GPR137B: variants seen among roughly 807,000 people sequenced by gnomAD.
The protein encoded by GPR137B is G protein-coupled receptor 137B, also known as integral membrane protein GPR137B.
A neutral mutation model predicts 42.5 loss-of-function variants in GPR137B; 42 were observed. The ratio of observed to expected loss-of-function variants is 0.99; its 90% CI spans 0.77 to 1.28. GPR137B has a LOEUF of 1.28. Among genes scored for constraint, GPR137B ranks in the 50% most tolerant of loss-of-function variants. The probability of loss-of-function intolerance (pLI) is 0.00; values close to 1 mark genes in which losing one functional copy is unlikely to be tolerated. For synonymous variants in GPR137B, 218 were observed against 209.7 expected (o/e 1.04, Z -0.34); for missense variants, 487 against 493.9 (o/e 0.99, Z 0.13).
intron 2 of GPR137B, among the ~76,000 whole-genome samples, chr1:236,175,503 C>G (rs544937831): frequency 6.6e-6 from 1 of 152,176 alleles, no homozygotes; most frequent in Admixed American, 6.5e-5. Context: ...TGTGTACACG[C>G]GGGTTCTGGA....
chr1:236,194,750 G>T (rs773203795), intron 5 of GPR137B, among the ~76,000 whole-genome samples: 3 of 152,154 alleles, frequency 2.0e-5, no homozygotes, highest in Non-Finnish European at 4.4e-5. Context: ...AACTGGCAAT[G>T]ACCTCTAGGG....
chr1:236,207,885 T>C (rs1663707715), intron 6 of GPR137B, among the ~76,000 whole-genome samples, 165 bp from the exon 7 acceptor site: 1 of 152,132 alleles, frequency 6.6e-6, no homozygotes. Context: ...TTCAGCCCTG[T>C]GTGTAGCATG....
chr1:236,176,373 G>A (rs765217709), intron 2 of GPR137B, among the ~76,000 whole-genome samples: 1 of 152,124 alleles, frequency 6.6e-6, no homozygotes, highest in Non-Finnish European at 1.5e-5. Flanking sequence ...CCATGCTGGG[G>A]TGGCGGGTCC....
rs1661550910 is a variant in GPR137B at position 236,142,591 on chromosome 1, C to T, written c.-32C>T. The T allele has an allele frequency of 2.4e-6, 3 of 1,265,394 alleles. No homozygotes were observed. Among genetic ancestry groups the T allele is most frequent in the African/African-American group, 3.2e-5 (2 of 63,474 alleles). The allele number at this position is 1,265,394 out of a possible 1,614,324, so 78.4% of individuals were successfully genotyped here. A position where few individuals can be genotyped will look rare whatever the true frequency, so the allele number is the denominator to read the frequency against. ...CAGGCTGAGCGCGATGCGCGGAGAC[C>T]CCCGCGGGGGCGGCGGCGGCCGTGA... On this transcript the variant is annotated 5_prime_UTR_variant, in exon 1 of 7. Transcript: ENST00000366592.
rs755602796 is a variant in GPR137B at position 236,208,091 on chromosome 1, G to A, written c.1133G>A (p.Ser378Asn). ...TATGATTGGGGACAACAAACTAACA[G>A]CTTCCTGGCACAAGCAGGAACTTTG... Reference protein sequence around the residue: ...DYYDWGQQTNSFLAQAGTLQD... With the variant: ...DYYDWGQQTNNFLAQAGTLQD... The change falls in exon 7 of 7, where the codon AGC (serine) becomes AAC (asparagine). Residue 378 changes from serine (S) to asparagine (N), a missense_variant. Physicochemically the swap from Ser to Asn is conservative, Grantham distance 46. Coordinates refer to ENST00000366592, the MANE Select transcript of GPR137B (RefSeq NM_003272.4). 3 of 1,612,686 alleles carry A rather than the reference G, an allele frequency of 1.9e-6. No individual in the cohort carries two copies. Among genetic ancestry groups the A allele is most frequent in the South Asian group, 1.1e-5 (1 of 91,052 alleles).
chr1:236,207,871 G>A (rs887947315), intron 6 of GPR137B, among the ~76,000 whole-genome samples, 179 bp from the exon 7 acceptor site: 2 of 152,018 alleles, frequency 1.3e-5, no homozygotes, highest in Non-Finnish European at 2.9e-5. Flanking sequence ...TTGTCGGTGG[G>A]CATTTCAGCC....
At position 236,183,841 on chromosome 1, in the gene GPR137B, T is replaced by G; in HGVS notation, c.901T>G (p.Trp301Gly). ...ATTATTTGGAGTGGTGTTATTTGTTTGGGAACTCTTACCTACCACCTTAGT... is the reference window on the plus strand; with the variant it reads ...ATTATTTGGAGTGGTGTTATTTGTTGGGGAACTCTTACCTACCACCTTAGT... ...YVLFGVVLFV[W>G]ELLPTTLVVY... The change falls in exon 5 of 7, where the codon TGG becomes GGG. Residue 301 changes from tryptophan (W) to glycine (G), a missense_variant. Physicochemically the swap from Trp to Gly is radical, Grantham distance 184. Transcript: ENST00000366592. The G allele has an allele frequency of 1.2e-6, 2 of 1,605,216 alleles. No homozygotes were observed. Among genetic ancestry groups the G allele is most frequent in the Non-Finnish European group, 1.7e-6 (2 of 1,172,030 alleles).
Position 236,164,418 on chromosome 1 carries a change from C to T in GPR137B, c.415-4288C>T, listed in dbSNP as rs764914422. ...CCAGAGAGTATGACAGCAGAATTCA[C>T]GTCTGCCTCCCCACAGGAGCCGTCG... On this transcript the variant is annotated intron_variant, in intron 1 of 6. Coordinates refer to ENST00000366592, the MANE Select transcript of GPR137B (RefSeq NM_003272.4). Among the ~76,000 whole-genome samples, 9 of 152,204 alleles carry T rather than the reference C, an allele frequency of 5.9e-5. 1 individual carries two copies. The East Asian group carries it at 1.3e-3, about 23-fold the overall frequency.
chr1:236,164,936 C>T (rs1246269092), intron 1 of GPR137B, among the ~76,000 whole-genome samples: 1 of 151,762 alleles, frequency 6.6e-6, no homozygotes, highest in African/African-American at 2.4e-5. Context: ...TGGAGTTTTG[C>T]TCTTGTTGCC....
rs1663736024 is a variant in GPR137B at position 236,208,545 on chromosome 1, TC to T, written c.*388del. The T allele has an allele frequency of 3.2e-6, 3 of 944,860 alleles. No homozygotes were observed. Among genetic ancestry groups the T allele is most frequent in the African/African-American group, 3.5e-5 (2 of 56,346 alleles). 58.5% of individuals were successfully genotyped at this position (944,860 alleles called of 1,614,324 possible). ...CACTTTAAAAATATAGAATATATGG[TC>T]TAATAGTTTTTTAAAGCTTTTGGAC... On this transcript the variant is annotated 3_prime_UTR_variant, in exon 7 of 7. Transcript: ENST00000366592.
chr1:236,152,441 G>A (rs891350353), intron 1 of GPR137B, among the ~76,000 whole-genome samples: 11 of 152,046 alleles, frequency 7.2e-5, no homozygotes, highest in African/African-American at 1.4e-4. Flanking sequence ...TAGCCTGGGT[G>A]ATAGAGCGAG....
rs1288108533 is a variant in GPR137B, at chr1:236,150,914, A to G, written c.414+7878A>G. The stretch of plus-strand genomic sequence containing the variant: ...GCCCCAGGCTAGCTGCTCAGCGTTG[A>G]GTGGCGGGGAGTGGAGGGCAGGGGT... On this transcript the variant is annotated intron_variant, in intron 1 of 6. Coordinates refer to ENST00000366592, the MANE Select transcript of GPR137B (RefSeq NM_003272.4). This position sits in a 1 kb window ranked among gnomAD's most constrained non-coding sequence, Gnocchi z 6.2. 6.6e-6 allele frequency among the ~76,000 whole-genome samples: 1 copy of G among 152,078 alleles called. No individual in the cohort carries two copies. Among genetic ancestry groups the G allele is most frequent in the Non-Finnish European group, 1.5e-5 (1 of 68,008 alleles).
In GPR137B at chr1:236,142,925, A is replaced by T; in HGVS notation, c.303A>T (p.Lys101Asn). The T allele has an allele frequency of 1.2e-6, 2 of 1,614,150 alleles. No individual in the cohort carries two copies. Among genetic ancestry groups the T allele is most frequent in the Admixed American group, 1.7e-5 (1 of 60,032 alleles). The change falls in exon 1 of 7, where the codon AAA becomes AAT. Residue 101 changes from lysine (K) to asparagine (N), a missense_variant. Transcript: ENST00000366592. Reference protein sequence around the residue: ...LRTVLFSFYFKDFVAANSLSP... With the variant: ...LRTVLFSFYFNDFVAANSLSP... The stretch of plus-strand genomic sequence containing the variant: ...CCGTCCTCTTCTCCTTCTACTTCAA[A>T]GACTTCGTGGCGGCCAATTCGCTCA...
chr1:236,207,313 ACTT>A (rs1663693173), intron 6 of GPR137B: 10 of 979,018 alleles, frequency 1.0e-5, no homozygotes, highest in African/African-American at 1.7e-5. Flanking sequence ...AACAAGAAGG[ACTT>A]CTTGAAGTCA....
intron 1 of GPR137B, among the ~76,000 whole-genome samples, chr1:236,162,580 C>T (rs1037414456): frequency 6.6e-6 from 1 of 152,236 alleles, no homozygotes; most frequent in Non-Finnish European, 1.5e-5. Context: ...CCAGGGTCCC[C>T]ATGCTGTGTG....
At chr1:236,207,673 C>T (rs1164765352) in intron 6 of GPR137B, among the ~76,000 whole-genome samples, 3 of 152,214 alleles carry the variant, frequency 2.0e-5, no homozygotes, top group Non-Finnish European at 4.4e-5. Context: ...ACTAATATTA[C>T]TCCCATTCTA....
chr1:236,162,625 C>T (rs573379764), intron 1 of GPR137B, among the ~76,000 whole-genome samples: 17 of 152,332 alleles, frequency 1.1e-4, no homozygotes, highest in Admixed American at 5.2e-4. Context: ...GTCCCAGCTG[C>T]TCCAGCCATG....
intron 2 of GPR137B, among the ~76,000 whole-genome samples, chr1:236,174,155 G>T (rs1662621609): frequency 6.6e-6 from 1 of 152,116 alleles, no homozygotes; most frequent in Non-Finnish European, 1.5e-5. Context: ...TTAACTTGAT[G>T]TTAGGTCACA....
intron 1 of GPR137B, among the ~76,000 whole-genome samples, chr1:236,146,569 C>A (rs1198817207): frequency 6.6e-6 from 1 of 152,198 alleles, no homozygotes; most frequent in Non-Finnish European, 1.5e-5. Flanking sequence ...ACTGTTACCC[C>A]CCAACTGAGG....
Sources: allele counts gnomAD v4.1 joint callset (sites outside exome capture counted in the v4.1 genomes callset), GRCh38; gene constraint gnomAD v4.1.1; non-coding constraint Gnocchi (gnomAD v3.1); transcripts MANE v1.5; gene names NCBI Gene and HGNC (gene_info 2026-07-23, HGNC 2026-07-21).